ZBTB40: variants seen among roughly 807,000 people sequenced by gnomAD.
The protein encoded by ZBTB40 is zinc finger and BTB domain-containing protein 40.
ZBTB40 carries 60 observed loss-of-function variants against 117.5 expected under a neutral mutation model. The observed-to-expected ratio is 0.51, with a 90% CI of 0.41 to 0.63. The LOEUF (loss-of-function observed/expected upper bound fraction) is 0.63. Among genes scored for constraint, ZBTB40 ranks in the 30% least tolerant of loss-of-function variants. The pLI, the probability that ZBTB40 is intolerant of heterozygous loss-of-function variation, is 0.00. For missense variants in ZBTB40, 1,287 were observed against 1,498.5 expected (o/e 0.86, Z 2.33); for synonymous variants, 525 against 577.1 (o/e 0.91, Z 1.29).
intron 1 of ZBTB40, among the ~76,000 whole-genome samples, chr1:22,438,630 T>C (rs1640698729): frequency 6.6e-6 from 1 of 152,194 alleles, no homozygotes; most frequent in African/African-American, 2.4e-5. Flanking sequence ...TGTTTTACAC[T>C]ACCAACAGTG....
chr1:22,446,198 T>A, intron 1 of ZBTB40, among the ~76,000 whole-genome samples: 1 of 143,358 alleles, frequency 7.0e-6, no homozygotes, highest in Non-Finnish European at 1.5e-5. Flanking sequence ...AGCTTAAGGA[T>A]ATGTCAGTAG....
At chr1:22,459,097 A>G (rs1641073518) in intron 1 of ZBTB40, among the ~76,000 whole-genome samples, 2 of 152,234 alleles carry the variant, frequency 1.3e-5, no homozygotes, top group African/African-American at 2.4e-5. Context: ...TTTATGAGAT[A>G]AAGGATATAT....
chr1:22,521,432 G>A, intron 14 of ZBTB40, 64 bp from the exon 15 acceptor site: 2 of 1,602,020 alleles, frequency 1.2e-6, no homozygotes, highest in Admixed American at 1.7e-5. Flanking sequence ...TCTCATGAGA[G>A]CCTCGTGAGC....
At chr1:22,471,174 A>G (rs916341959) in intron 1 of ZBTB40, among the ~76,000 whole-genome samples, 20 of 152,110 alleles carry the variant, frequency 1.3e-4, no homozygotes, top group African/African-American at 4.8e-4. Flanking sequence ...GCCATCTTGG[A>G]AAGTCTTCTG....
At chr1:22,497,281 T>C (rs1264227616) in intron 3 of ZBTB40, among the ~76,000 whole-genome samples, 1 of 152,226 alleles carries the variant, frequency 6.6e-6, no homozygotes, top group East Asian at 1.9e-4. Flanking sequence ...TTTTTTCTCC[T>C]TCAACTTTAT....
Position 22,513,571 on chromosome 1 carries a change from GGCACCTGGAGTCTCA to G in ZBTB40, c.2668+444_2668+458del, listed in dbSNP as rs1639299143. On this transcript the variant is annotated intron_variant, in intron 12 of 17. Coordinates refer to ENST00000375647, the MANE Select transcript of ZBTB40 (RefSeq NM_014870.4). The surrounding 1 kb of genome is among the most constrained non-coding windows in gnomAD (Gnocchi z 4.9). ...AAAAAATTAGCCAGGCGTGGTGGCGGGCACCTGGAGTCTCAGCTACTCGGGAGGCTGAGGCAGGAG... is the reference window on the plus strand; with the variant it reads ...AAAAAATTAGCCAGGCGTGGTGGCGGGCTACTCGGGAGGCTGAGGCAGGAG... Among the ~76,000 whole-genome samples the G allele has an allele frequency of 6.6e-6, 1 of 152,112 alleles. No homozygotes were observed. Among genetic ancestry groups the G allele is most frequent in the African/African-American group, 2.4e-5 (1 of 41,430 alleles).
rs1247814522 is a variant in ZBTB40 at position 22,508,689 on chromosome 1, G to A, written c.1657G>A (p.Glu553Lys). ...KTCPLDLLME[E>K]IRREPGADAF... Reference sequence around the variant, plus strand: ...CTGTCCATTGGACCTGCTCATGGAGGAAATACGAAGGGAGCCTGGTGCCGA... The same window carrying A: ...CTGTCCATTGGACCTGCTCATGGAGAAAATACGAAGGGAGCCTGGTGCCGA... The change falls in exon 8 of 18, where the codon GAA becomes AAA. Residue 553 changes from glutamate to lysine, a missense_variant. Around this residue, in one of 2 missense-constraint regions of ZBTB40, gnomAD observed 870 missense variants for 934.4 expected, o/e 0.93. Coordinates refer to ENST00000375647, the MANE Select transcript of ZBTB40 (RefSeq NM_014870.4). The A allele has an allele frequency of 1.9e-6, 3 of 1,614,006 alleles. No individual in the cohort carries two copies. The African/African-American group carries it at 4.0e-5, about 22-fold the overall frequency.
intron 17 of ZBTB40, among the ~76,000 whole-genome samples, chr1:22,525,719 G>A (rs1180394260): frequency 4.6e-5 from 7 of 152,330 alleles, no homozygotes; most frequent in Admixed American, 1.3e-4. Flanking sequence ...TCCTAAGCTC[G>A]GTCACTGTGT....
Position 22,490,586 on chromosome 1 carries a change from G to T in ZBTB40, c.638G>T (p.Cys213Phe), listed in dbSNP as rs780360733. 3 of 1,614,088 alleles carry T rather than the reference G, an allele frequency of 1.9e-6. No homozygotes were observed. Among genetic ancestry groups the T allele is most frequent in the Non-Finnish European group, 2.5e-6 (3 of 1,180,048 alleles). ...PAETPTTAEA[C>F]SPSPAVQTFS... The stretch of plus-strand genomic sequence containing the variant: ...GAGACTCCTACTACAGCTGAAGCTT[G>T]TTCCCCCTCCCCTGCTGTGCAAACC... The change falls in exon 2 of 18, where the codon TGT becomes TTT. Residue 213 changes from cysteine to phenylalanine, a missense_variant. By Grantham distance (205) the Cys-to-Phe change is radical (BLOSUM62 -2). Coordinates refer to ENST00000375647, the MANE Select transcript of ZBTB40 (RefSeq NM_014870.4).
At chr1:22,440,883 A>AT (rs1640724426) in intron 1 of ZBTB40, among the ~76,000 whole-genome samples, 1 of 152,080 alleles carries the variant, frequency 6.6e-6, no homozygotes, top group African/African-American at 2.4e-5. Flanking sequence ...GTTTGCTAGT[A>AT]TTTTGAGAAA....
intron 1 of ZBTB40, among the ~76,000 whole-genome samples, chr1:22,458,475 C>T (rs1033256930): frequency 1.3e-5 from 2 of 152,204 alleles, no homozygotes; most frequent in African/African-American, 4.8e-5. Context: ...CAAGGCTGCT[C>T]CCTCTCCCTG....
chr1:22,502,870 TG>T (rs1638979831), intron 5 of ZBTB40, among the ~76,000 whole-genome samples: 1 of 152,178 alleles, frequency 6.6e-6, no homozygotes, highest in Non-Finnish European at 1.5e-5. Flanking sequence ...AGAAATGTAC[TG>T]TACATTTGGA....
At chr1:22,429,383 A>C (rs890349120) in intron 1 of ZBTB40, among the ~76,000 whole-genome samples, 1 of 152,104 alleles carries the variant, frequency 6.6e-6, no homozygotes, top group African/African-American at 2.4e-5. Context: ...TCCGCCTCAA[A>C]AAAAAAAAGA....
Position 22,456,139 on chromosome 1 carries a change from A to G in ZBTB40, c.-70+4135A>G, listed in dbSNP as rs112499898. Among the ~76,000 whole-genome samples, 136 of 152,300 alleles carry G rather than the reference A, an allele frequency of 8.9e-4. 1 individual carries two copies. The highest frequency in any genetic ancestry group is 3.2e-3 in the African/African-American group (131 of 41,564). Reference sequence around the variant, plus strand: ...CTGGATAATGTGGAGAAAGCAAGCTACTAACCACATAGAGGAAAGAATTAA... The same window carrying G: ...CTGGATAATGTGGAGAAAGCAAGCTGCTAACCACATAGAGGAAAGAATTAA... On this transcript the variant is annotated intron_variant, in intron 1 of 17. Transcript: ENST00000375647.
At chr1:22,496,260 T>A (rs1324927537) in intron 3 of ZBTB40, among the ~76,000 whole-genome samples, 1 of 152,274 alleles carries the variant, frequency 6.6e-6, no homozygotes, top group African/African-American at 2.4e-5. Flanking sequence ...CAAGCCCCAC[T>A]GGGACTGTGA....
At chr1:22,432,240 G>A (rs544572527) in intron 1 of ZBTB40, among the ~76,000 whole-genome samples, 51 of 152,278 alleles carry the variant, frequency 3.3e-4, no homozygotes, top group African/African-American at 1.2e-3. Context: ...TGCAAAAGGT[G>A]TATAGGAAAT....
Position 22,501,697 on chromosome 1 carries a change from C to T in ZBTB40, c.1024+13C>T. On this transcript the variant is annotated intron_variant, in intron 4 of 17. Coordinates refer to ENST00000375647, the MANE Select transcript of ZBTB40 (RefSeq NM_014870.4). ...GTGCAGCCAAAAGGTAGGAGAAGAT[C>T]CTATGCATTGGAATGGCAGGGTTTT... 1 of 1,612,466 alleles carries T rather than the reference C, an allele frequency of 6.2e-7. No individual in the cohort carries two copies. Among genetic ancestry groups the T allele is most frequent in the Non-Finnish European group, 8.5e-7 (1 of 1,179,568 alleles).
At chr1:22,525,010 C>T (rs1043217209) in intron 17 of ZBTB40, among the ~76,000 whole-genome samples, 1 of 152,172 alleles carries the variant, frequency 6.6e-6, no homozygotes, top group African/African-American at 2.4e-5. Context: ...GTCCATCCAT[C>T]GTCAGTAATT....
chr1:22,522,099 G>A (rs986970216), intron 15 of ZBTB40, among the ~76,000 whole-genome samples: 2 of 152,226 alleles, frequency 1.3e-5, no homozygotes, highest in Non-Finnish European at 2.9e-5. Flanking sequence ...CAGTTACAGA[G>A]TGTTTCCTAT....
Sources: gnomAD v4.1 joint callset for allele counts (sites outside exome capture counted in the v4.1 genomes callset) on GRCh38, gnomAD v4.1.1 for gene constraint, gnomAD v4.1.1 regional missense constraint, Gnocchi (gnomAD v3.1) non-coding constraint, MANE v1.5 for transcripts, NCBI Gene and HGNC (gene_info 2026-07-23, HGNC 2026-07-21) for gene names.